The following NRCAM variants were observed in gnomAD, a reference collection of about 807,000 sequenced individuals.
NRCAM encodes the protein neuronal cell adhesion molecule, also known as NgCAM-related cell adhesion molecule.
In NRCAM, 83 loss-of-function variants were observed where a neutral mutation model predicts 156.5. The observed-to-expected ratio is 0.53, with a 90% CI of 0.44 to 0.64. The LOEUF (loss-of-function observed/expected upper bound fraction) is 0.64, where lower values mean the gene tolerates loss of function less well. Ranked by LOEUF, NRCAM falls within the 30% of genes least tolerant of loss-of-function variation. The pLI, the probability that NRCAM is intolerant of heterozygous loss-of-function variation, is 0.00. For missense variants in NRCAM, 1,417 were observed against 1,597.3 expected, an observed-to-expected ratio of 0.89 and a Z score of 1.92; for synonymous variants, 538 against 563.9, an observed-to-expected ratio of 0.95 and a Z score of 0.65.
intron 2 of NRCAM, among the ~76,000 whole-genome samples, chr7:108,369,365 A>AT (rs977533799): frequency 3.3e-5 from 5 of 151,862 alleles, no homozygotes; most frequent in South Asian, 2.1e-4. Context: ...ATTACTGATA[A>AT]TTTTTTTTGA....
chr7:108,256,050 G>A lies in NRCAM; in HGVS notation c.-106-15880C>T, dbSNP rs527886139. 5.3e-5 allele frequency among the ~76,000 whole-genome samples: 8 copies of A among 151,744 alleles called. No homozygotes were observed. In the South Asian group the frequency reaches 1.5e-3, roughly 28 times the overall value. On this transcript the variant is annotated intron_variant, in intron 3 of 32. Transcript: ENST00000379028. ...CCAGCCACCCCGTCCGGGAGGTGGG[G>A]GGCGCCTCTGCCCGGCCGCCCCTTC...
At chr7:108,341,252 G>A (rs1277061794) in intron 2 of NRCAM, among the ~76,000 whole-genome samples, 2 of 152,180 alleles carry the variant, frequency 1.3e-5, no homozygotes, top group Admixed American at 6.5e-5. Flanking sequence ...TGGGGCAAGC[G>A]CCAGCCCAAC....
intron 25 of NRCAM, 158 bp from the exon 26 acceptor site, chr7:108,178,270 C>G: frequency 1.6e-6 from 1 of 619,686 alleles, no homozygotes; most frequent in Non-Finnish European, 2.8e-6. Context: ...GTGACAGGCA[C>G]CCATTTAGTT....
At chr7:108,213,134 C>A (rs551093920) in intron 11 of NRCAM, among the ~76,000 whole-genome samples, 4 of 152,284 alleles carry the variant, frequency 2.6e-5, no homozygotes, top group Non-Finnish European at 5.9e-5. Flanking sequence ...AATTTTGTAT[C>A]CAGCGAAACT....
chr7:108,272,737 T>C (rs2097411265), intron 3 of NRCAM, among the ~76,000 whole-genome samples: 1 of 152,016 alleles, frequency 6.6e-6, no homozygotes, highest in Admixed American at 6.6e-5. Context: ...CTAAAAATAA[T>C]CCAGAATTCT....
chr7:108,373,757 C>G (rs1206576399), intron 2 of NRCAM, among the ~76,000 whole-genome samples: 1 of 152,120 alleles, frequency 6.6e-6, no homozygotes, highest in East Asian at 1.9e-4. Context: ...ATGGTTGTCA[C>G]TGGTGTGTAA....
intron 2 of NRCAM, among the ~76,000 whole-genome samples, chr7:108,384,368 A>C (rs1156659064): frequency 6.6e-6 from 1 of 152,184 alleles, no homozygotes; most frequent in African/African-American, 2.4e-5. Flanking sequence ...GGTAGAAAAA[A>C]AATAAAGAAT....
At chr7:108,316,222 T>C (rs2098918354) in intron 2 of NRCAM, among the ~76,000 whole-genome samples, 1 of 152,164 alleles carries the variant, frequency 6.6e-6, no homozygotes, top group South Asian at 2.1e-4. Flanking sequence ...GTGACTTCTG[T>C]TCCCCTCTTC....
chr7:108,156,427 G>A (rs1371070570), intron 32 of NRCAM: 1 of 984,042 alleles, frequency 1.0e-6, no homozygotes. Flanking sequence ...CTATATGCTA[G>A]TAAGGATGCA....
At chr7:108,348,540 T>C (rs1048984456) in intron 2 of NRCAM, among the ~76,000 whole-genome samples, 3 of 151,948 alleles carry the variant, frequency 2.0e-5, no homozygotes, top group Non-Finnish European at 2.9e-5. Flanking sequence ...AAGGCAAAAA[T>C]AGCATTTAAA....
chr7:108,233,867 G>A (rs1004452225), intron 6 of NRCAM, among the ~76,000 whole-genome samples: 8 of 152,214 alleles, frequency 5.3e-5, no homozygotes, highest in South Asian at 4.1e-4. Context: ...CAGATCATCC[G>A]CTGTGGGGCC....
intron 3 of NRCAM, among the ~76,000 whole-genome samples, chr7:108,255,225 T>C (rs1270869943): frequency 7.4e-6 from 1 of 134,698 alleles, no homozygotes; most frequent in East Asian, 2.6e-4. Flanking sequence ...GAGCAGAGGC[T>C]GGACTGTACT....
intron 13 of NRCAM, among the ~76,000 whole-genome samples, chr7:108,202,883 T>G (rs1252144584): frequency 2.6e-5 from 4 of 152,172 alleles, no homozygotes; most frequent in Non-Finnish European, 5.9e-5. Flanking sequence ...TTATCCACGT[T>G]TCATGCAGAA....
intron 3 of NRCAM, among the ~76,000 whole-genome samples, chr7:108,312,112 G>A (rs2098810949): frequency 6.6e-6 from 1 of 152,134 alleles, no homozygotes; most frequent in Admixed American, 6.6e-5. Flanking sequence ...GAATGGGGCG[G>A]ACAGCGGGGT....
intron 2 of NRCAM, among the ~76,000 whole-genome samples, chr7:108,393,460 C>T (rs570022389): frequency 4.9e-4 from 74 of 152,250 alleles, no homozygotes; most frequent in African/African-American, 1.7e-3. Flanking sequence ...GGGAGTGACC[C>T]GATTTTCCAG....
intron 1 of NRCAM, among the ~76,000 whole-genome samples, chr7:108,446,543 G>C (rs777327607): frequency 6.6e-6 from 1 of 152,190 alleles, no homozygotes; most frequent in African/African-American, 2.4e-5. Flanking sequence ...TCGCAGAACA[G>C]AGCAAGGATG....
intron 2 of NRCAM, among the ~76,000 whole-genome samples, chr7:108,341,505 C>T (rs940621056): frequency 2.0e-5 from 3 of 152,190 alleles, no homozygotes; most frequent in African/African-American, 7.2e-5. Context: ...GAAAGCCCCA[C>T]TCCCTTGTTA....
chr7:108,181,172 A>G (rs2063251687), intron 24 of NRCAM, among the ~76,000 whole-genome samples: 1 of 139,748 alleles, frequency 7.2e-6, no homozygotes, highest in Non-Finnish European at 1.5e-5. Context: ...CAACATTTAC[A>G]TGGAATCTGG....
In NRCAM at chr7:108,234,556, CTATAACA is replaced by C. The variant is rs568705283; in HGVS notation, c.230+20_230+26del. 234 of 1,301,790 alleles carry C rather than the reference CTATAACA, an allele frequency of 1.8e-4. No individual in the cohort carries two copies. The highest frequency in any genetic ancestry group is 1.1e-3 in the Middle Eastern group (6 of 5,444). 80.6% of individuals were successfully genotyped at this position (1,301,790 alleles called of 1,614,324 possible). A position where few individuals can be genotyped will look rare whatever the true frequency, so the allele number is the denominator to read the frequency against. ...GAGATTTCCTGATTTATTCTCAGTA[CTATAACA>C]AAGCAGAATGCACACTCACCTTGGG... On this transcript the variant is annotated intron_variant, in intron 6 of 32. Transcript: ENST00000379028.
Sources: gnomAD v4.1 joint callset for allele counts (sites outside exome capture counted in the v4.1 genomes callset) on GRCh38, gnomAD v4.1.1 for gene constraint, MANE v1.5 for transcripts, NCBI Gene and HGNC (gene_info 2026-07-23, HGNC 2026-07-21) for gene names.